RNF139: variants seen among roughly 807,000 people sequenced by gnomAD.
RNF139 encodes the protein ring finger protein 139.
In RNF139, 15 loss-of-function variants were observed where a neutral mutation model predicts 49.5. The observed-to-expected ratio is 0.30, with a 90% CI of 0.20 to 0.47. The LOEUF is 0.47. Among genes scored for constraint, RNF139 ranks in the 20% least tolerant of loss-of-function variants. The pLI is 1.00. For synonymous variants in RNF139, 325 were observed against 300.9 expected, an observed-to-expected ratio of 1.08 and a Z score of -0.83; for missense variants, 619 against 806.3, an observed-to-expected ratio of 0.77 and a Z score of 2.81.
chr8:124,481,375 T>G (rs1355519620), intron 1 of RNF139, among the ~76,000 whole-genome samples: 1 of 152,178 alleles, frequency 6.6e-6, no homozygotes, highest in Non-Finnish European at 1.5e-5. Flanking sequence ...GTACCCTGAT[T>G]TTTAGTCATA....
chr8:124,487,339 A>G lies in RNF139; in HGVS notation c.1690A>G (p.Asn564Asp), dbSNP rs767651691. ...FTTSARITPC[N>D]HYFHALCLRK... is the part of the protein sequence containing the mutation. ...AACATCTGCTCGTATTACACCGTGT[A>G]ATCATTATTTCCATGCACTTTGCCT... The change falls in exon 2 of 2, where the codon AAT becomes GAT. Residue 564 changes from asparagine (N) to aspartate (D), a missense_variant. This residue lies in a region of RNF139 where 530 missense variants were observed against 728.9 expected (regional missense o/e 0.73). Coordinates refer to ENST00000303545, the MANE Select transcript of RNF139 (RefSeq NM_007218.4). 2 of 1,614,120 alleles carry G rather than the reference A, an allele frequency of 1.2e-6. No individual in the cohort carries two copies. The highest frequency in any genetic ancestry group is 1.1e-5 in the South Asian group (1 of 91,078).
intron 1 of RNF139, among the ~76,000 whole-genome samples, chr8:124,481,569 C>T (rs1419599191): frequency 6.6e-6 from 1 of 151,976 alleles, no homozygotes; most frequent in Non-Finnish European, 1.5e-5. Flanking sequence ...TTTCAAAGTT[C>T]CTGAATTGAT....
In RNF139 at chr8:124,485,855, T is replaced by C. The variant is rs1816519243; in HGVS notation, c.206T>C (p.Leu69Pro). The change falls in exon 2 of 2, where the codon CTG becomes CCG. Residue 69 changes from leucine to proline, a missense_variant. This residue lies in a region of RNF139 where 530 missense variants were observed against 728.9 expected (regional missense o/e 0.73). Transcript: ENST00000303545. ...LFGVFASSIV[L>P]ILSQRSLFKF... ...GGTGTATTTGCATCCAGTATTGTTC[T>C]GATCTTGTCACAACGATCACTTTTC... is the stretch of plus-strand genomic sequence containing the variant. 2 of 1,612,404 alleles carry C rather than the reference T, an allele frequency of 1.2e-6. No homozygotes were observed. Among genetic ancestry groups the C allele is most frequent in the African/African-American group, 2.7e-5 (2 of 74,926 alleles).
rs762883227 is a variant in RNF139, at chr8:124,475,304, G to A, written c.181+14G>A. ...TCCGGCTCTTTGGTAAGGGAACAGG[G>A]TACCGTACGTCCCGGGACGGCTATG... On this transcript the variant is annotated intron_variant, in intron 1 of 1. Coordinates refer to ENST00000303545, the MANE Select transcript of RNF139 (RefSeq NM_007218.4). The A allele has an allele frequency of 7.5e-6, 12 of 1,600,570 alleles. No homozygotes were observed. The highest frequency in any genetic ancestry group is 1.0e-5 in the Non-Finnish European group (12 of 1,172,992).
intron 1 of RNF139, 22 bp downstream of exon 1, chr8:124,475,312 C>A (rs1044233858): frequency 1.3e-6 from 2 of 1,591,562 alleles, no homozygotes; most frequent in South Asian, 1.1e-5. Context: ...GGGTACCGTA[C>A]GTCCCGGGAC....
Position 124,486,565 on chromosome 8 carries a change from G to C in RNF139, c.916G>C (p.Gly306Arg). Reference sequence around the variant, plus strand: ...AATTTCCTCAGTAGCCCATTATTTGGGGCTTGGAATATTGGCCTTTATTGG... The same window carrying C: ...AATTTCCTCAGTAGCCCATTATTTGCGGCTTGGAATATTGGCCTTTATTGG... ...AVISSVAHYL[G>R]LGILAFIGST... Residue 306 changes from glycine to arginine, a missense_variant, in exon 2 of 2, where the codon GGG (glycine) becomes CGG (arginine). This residue lies in a region of RNF139 where 530 missense variants were observed against 728.9 expected (regional missense o/e 0.73). Transcript: ENST00000303545. 6.2e-7 allele frequency: 1 copy of C among 1,614,120 alleles called. No individual in the cohort carries two copies. The highest frequency in any genetic ancestry group is 8.5e-7 in the Non-Finnish European group (1 of 1,180,022).
Position 124,486,794 on chromosome 8 carries a change from A to G in RNF139, c.1145A>G (p.His382Arg). The change falls in exon 2 of 2, where the codon CAT becomes CGT. Residue 382 changes from histidine to arginine, a missense_variant. Physicochemically the swap from His to Arg is conservative, Grantham distance 29 (BLOSUM62 0). Coordinates refer to ENST00000303545, the MANE Select transcript of RNF139 (RefSeq NM_007218.4). Reference sequence around the variant, plus strand: ...GTATTAATGTCTCTCAGTGCCTCTCATGTGTCATCTTTTCGTAGACATTTT... The same window carrying G: ...GTATTAATGTCTCTCAGTGCCTCTCGTGTGTCATCTTTTCGTAGACATTTT... The part of the protein sequence containing the change: ...DPVLMSLSAS[H>R]VSSFRRHFPV... The G allele has an allele frequency of 6.2e-7, 1 of 1,613,720 alleles. No homozygotes were observed. The highest frequency in any genetic ancestry group is 2.2e-5 in the East Asian group (1 of 44,842).
intron 1 of RNF139, among the ~76,000 whole-genome samples, chr8:124,485,598 T>C (rs971687971): frequency 6.6e-6 from 1 of 152,166 alleles, no homozygotes; most frequent in Admixed American, 6.5e-5. Flanking sequence ...ACTTTGGAAA[T>C]TAGAAAGTAA....
At chr8:124,483,390 A>C (rs1816482411) in intron 1 of RNF139, 1 of 151,526 alleles carries the variant, frequency 6.6e-6, no homozygotes, top group Non-Finnish European at 1.5e-5. Context: ...CAATGTCTTG[A>C]TTACCTGCTG....
Position 124,487,641 on chromosome 8 carries a change from C to T in RNF139, c.1992C>T (p.Asp664=). 5 of 1,590,676 alleles carry T rather than the reference C, an allele frequency of 3.1e-6. No individual in the cohort carries two copies. The highest frequency in any genetic ancestry group is 4.3e-6 in the Non-Finnish European group (5 of 1,168,854). The part of the protein sequence containing the change: ...AAAEEFNDDT[D] ...CTGAAGAATTTAATGATGATACTGA[C>T]TGATGAAAATAGCATTTATTAATGA... Residue 664 remains aspartate, a synonymous_variant, in exon 2 of 2, where the codon GAC becomes GAT. Coordinates refer to ENST00000303545, the MANE Select transcript of RNF139 (RefSeq NM_007218.4).
intron 1 of RNF139, 50 bp downstream of exon 1, chr8:124,475,340 C>T: frequency 6.4e-7 from 1 of 1,564,232 alleles, no homozygotes; most frequent in Non-Finnish European, 8.7e-7. Flanking sequence ...CGGGCCGAGA[C>T]GTTCCCCGGG....
chr8:124,487,106 C>T lies in RNF139; in HGVS notation c.1457C>T (p.Thr486Ile). The T allele has an allele frequency of 6.2e-7, 1 of 1,613,882 alleles. No individual in the cohort carries two copies. Among genetic ancestry groups the T allele is most frequent in the Non-Finnish European group, 8.5e-7 (1 of 1,179,986 alleles). The change falls in exon 2 of 2, where the codon ACT (threonine) becomes ATT (isoleucine). Residue 486 changes from threonine (T) to isoleucine (I), a missense_variant. Thr to Ile is a moderately conservative substitution (Grantham distance 89). Coordinates refer to ENST00000303545, the MANE Select transcript of RNF139 (RefSeq NM_007218.4). ...GTAATGTTTGGAAATGGGGCTTACA[C>T]TATGATGTTTGAGTCGGGAAGTAAA... The part of the protein sequence containing the change: ...GVVMFGNGAY[T>I]MMFESGSKIR...
Position 124,486,929 on chromosome 8 carries a change from G to A in RNF139, c.1280G>A (p.Cys427Tyr). The A allele has an allele frequency of 6.2e-7, 1 of 1,614,000 alleles. No homozygotes were observed. Among genetic ancestry groups the A allele is most frequent in the Non-Finnish European group, 8.5e-7 (1 of 1,179,994 alleles). The change falls in exon 2 of 2, where the codon TGT (cysteine) becomes TAT (tyrosine). Residue 427 changes from cysteine to tyrosine, a missense_variant. Cys to Tyr is a radical substitution (Grantham distance 194). This residue lies in a region of RNF139 where 530 missense variants were observed against 728.9 expected (regional missense o/e 0.73). Coordinates refer to ENST00000303545, the MANE Select transcript of RNF139 (RefSeq NM_007218.4). ...NTWLFAVTAFCVELCLKVIVS... is the reference protein window; with the variant it reads ...NTWLFAVTAFYVELCLKVIVS... The stretch of plus-strand genomic sequence containing the variant: ...TGGTTGTTTGCAGTTACAGCATTTT[G>A]TGTGGAACTGTGCTTAAAAGTAATT...
chr8:124,480,257 G>C (rs1211354008), intron 1 of RNF139, among the ~76,000 whole-genome samples: 3 of 151,548 alleles, frequency 2.0e-5, no homozygotes, highest in African/African-American at 7.3e-5. Flanking sequence ...TCCAATCTTA[G>C]ATTAAGGAAG....
In RNF139 at chr8:124,487,881, T is replaced by C; in HGVS notation, c.*237T>C. 1 of 394,244 alleles carries C rather than the reference T, an allele frequency of 2.5e-6. No individual in the cohort carries two copies. The highest frequency in any genetic ancestry group is 4.5e-6 in the Non-Finnish European group (1 of 222,082). 24.4% of individuals were successfully genotyped at this position (394,244 alleles called of 1,614,324 possible). A position where few individuals can be genotyped will look rare whatever the true frequency, so the allele number is the denominator to read the frequency against. ...ACATTATTGTACATAGAATAAAATG[T>C]TTTCACATTTTTATGACAAAATTTG... On this transcript the variant is annotated 3_prime_UTR_variant, in exon 2 of 2. Coordinates refer to ENST00000303545, the MANE Select transcript of RNF139 (RefSeq NM_007218.4).
chr8:124,486,686 A>T lies in RNF139; in HGVS notation c.1037A>T (p.Glu346Val), dbSNP rs757276296. The T allele has an allele frequency of 6.2e-7, 1 of 1,614,160 alleles. No homozygotes were observed. The highest frequency in any genetic ancestry group is 8.5e-7 in the Non-Finnish European group (1 of 1,180,024). ...LQTGLSGLRP[E>V]ERLIRLSRNM... ...ACTGGGTTAAGTGGGCTAAGACCAG[A>T]AGAGAGACTTATTCGCTTAAGTAGA... is the stretch of plus-strand genomic sequence containing the variant. The change falls in exon 2 of 2, where the codon GAA (glutamate) becomes GTA (valine). Residue 346 changes from glutamate to valine, a missense_variant. Physicochemically the swap from Glu to Val is moderately radical, Grantham distance 121. Coordinates refer to ENST00000303545, the MANE Select transcript of RNF139 (RefSeq NM_007218.4).
chr8:124,483,061 A>T (rs1205769136), intron 1 of RNF139, among the ~76,000 whole-genome samples: 27 of 7,890 alleles, frequency 3.4e-3, no homozygotes, highest in Non-Finnish European at 4.8e-3. Context: ...ATCTATTAAA[A>T]ATATATATAT....
chr8:124,475,658 G>A (rs1284991677), intron 1 of RNF139, among the ~76,000 whole-genome samples: 1 of 152,230 alleles, frequency 6.6e-6, no homozygotes, highest in Admixed American at 6.5e-5. Context: ...GTGTGACCTT[G>A]GACTTCTGCC....
Position 124,475,286 on chromosome 8 carries a change from C to T in RNF139, c.177C>T (p.Leu59=). 1.2e-6 allele frequency: 2 copies of T among 1,612,858 alleles called. No individual in the cohort carries two copies. The highest frequency in any genetic ancestry group is 1.7e-6 in the Non-Finnish European group (2 of 1,179,340). The part of the protein sequence containing the change: ...FCIVLQIFLR[L]FGVFASSIVL... ...TCGTGCTCCAGATCTTCCTCCGGCT[C>T]TTTGGTAAGGGAACAGGGTACCGTA... Residue 59 remains leucine, a synonymous_variant, in exon 1 of 2, where the codon CTC becomes CTT. Transcript: ENST00000303545.
Sources: allele counts gnomAD v4.1 joint callset (sites outside exome capture counted in the v4.1 genomes callset), GRCh38; gene constraint gnomAD v4.1.1; regional missense constraint gnomAD v4.1.1; transcripts MANE v1.5; gene names NCBI Gene and HGNC (gene_info 2026-07-23, HGNC 2026-07-21).